Variants in ACAD10 observed in about 807,000 individuals in gnomAD.
The protein encoded by ACAD10 is ACAD-10.
A neutral mutation model predicts 116.8 loss-of-function variants in ACAD10; 112 were observed. That is an observed-to-expected ratio of 0.96 (90% confidence interval 0.82 to 1.12). The LOEUF (loss-of-function observed/expected upper bound fraction) is 1.12. ACAD10 is among the 50% of genes most tolerant of loss of function. The pLI, the probability that ACAD10 is intolerant of heterozygous loss-of-function variation, is 0.00. For missense variants in ACAD10, 1,259 were observed against 1,350.2 expected (o/e 0.93, Z 1.06); for synonymous variants, 486 against 510.6 (o/e 0.95, Z 0.65).
intron 12 of ACAD10, 54 bp downstream of exon 12, chr12:111,737,058 C>T (rs1889587739): frequency 3.8e-6 from 6 of 1,569,090 alleles, no homozygotes; most frequent in South Asian, 2.4e-5. Context: ...CAGCAAGGAC[C>T]GTGCCTCCAC....
chr12:111,706,224 T>C (rs1160438920), intron 4 of ACAD10, among the ~76,000 whole-genome samples: 1 of 152,184 alleles, frequency 6.6e-6, no homozygotes, highest in East Asian at 1.9e-4. Context: ...AGCCCTCATA[T>C]CGTAATGGAT....
At chr12:111,714,465 G>A (rs898133823) in intron 6 of ACAD10, among the ~76,000 whole-genome samples, 1 of 151,320 alleles carries the variant, frequency 6.6e-6, no homozygotes, top group Non-Finnish European at 1.5e-5. Flanking sequence ...AGGAGTTTGA[G>A]ACCAGCCTGG....
At chr12:111,746,939 G>T in intron 14 of ACAD10, 110 bp from the exon 15 acceptor site, 1 of 1,421,502 alleles carries the variant, frequency 7.0e-7, no homozygotes, top group Admixed American at 2.4e-5. Context: ...AGTCGAGGCT[G>T]CAGTGAGCCA....
intron 7 of ACAD10, among the ~76,000 whole-genome samples, chr12:111,719,557 TTTG>T (rs1290234105): frequency 1.3e-5 from 2 of 151,524 alleles, no homozygotes; most frequent in Non-Finnish European, 2.9e-5. Context: ...CGGCCTTTTG[TTTG>T]TTATTTTTTG....
intron 11 of ACAD10, 72 bp from the exon 12 acceptor site, chr12:111,736,759 T>G: frequency 4.0e-6 from 6 of 1,499,176 alleles, no homozygotes; most frequent in Non-Finnish European, 5.4e-6. Flanking sequence ...ATTTTCAGAA[T>G]TTAAATATTT....
intron 4 of ACAD10, among the ~76,000 whole-genome samples, chr12:111,706,754 T>G (rs1414096803): frequency 2.3e-5 from 3 of 128,304 alleles, no homozygotes; most frequent in Non-Finnish European, 4.8e-5. Flanking sequence ...CCTGGCCTAT[T>G]TATTTTTTTA....
chr12:111,732,539 C>A (rs193192034), intron 10 of ACAD10, among the ~76,000 whole-genome samples: 32 of 152,248 alleles, frequency 2.1e-4, no homozygotes, highest in Non-Finnish European at 5.9e-5. Context: ...AAAGCACGTA[C>A]AATATCTGTT....
intron 8 of ACAD10, among the ~76,000 whole-genome samples, chr12:111,724,156 C>T (rs1889141725): frequency 2.7e-5 from 4 of 150,262 alleles, no homozygotes; most frequent in African/African-American, 7.4e-5. Context: ...GGCAGCCAGG[C>T]AGAGGGGCTC....
At chr12:111,744,305 G>A (rs754248436) in intron 12 of ACAD10, among the ~76,000 whole-genome samples, 15 of 152,074 alleles carry the variant, frequency 9.9e-5, no homozygotes, top group South Asian at 2.1e-4. Context: ...GGTGATCTGG[G>A]GTGTTACTGA....
chr12:111,700,720 T>C (rs1426496843), intron 2 of ACAD10, among the ~76,000 whole-genome samples: 1 of 151,640 alleles, frequency 6.6e-6, no homozygotes, highest in Non-Finnish European at 1.5e-5. Context: ...CTTGTCCTTT[T>C]ACTTTCCTTC....
At position 111,746,170 on chromosome 12, in the gene ACAD10, GA is replaced by G; in HGVS notation, c.2144del (p.Asn715ThrfsTer6). 1 of 1,613,618 alleles carries G rather than the reference GA, an allele frequency of 6.2e-7. No homozygotes were observed. Among genetic ancestry groups the G allele is most frequent in the Non-Finnish European group, 8.5e-7 (1 of 1,179,916 alleles). On this transcript the variant is annotated frameshift_variant, in exon 14 of 21. Coordinates refer to ENST00000313698, the MANE Select transcript of ACAD10 (RefSeq NM_025247.6). LOFTEE classifies it high-confidence loss of function. ...KEKAKAEGLWNLFLPLEADPE... is the reference protein window; with the variant it reads ...KEKAKAEGLWXLFLPLEADPE... The stretch of plus-strand genomic sequence containing the variant: ...AGAAAGCCAAAGCTGAAGGACTTTG[GA>G]ACCTTTTCCTACCCTTAGAGGCTGA...
At chr12:111,700,723 T>TTTCCTTCCTTCCTTCCTACC (rs1888324004) in intron 2 of ACAD10, among the ~76,000 whole-genome samples, 1 of 150,490 alleles carries the variant, frequency 6.6e-6, no homozygotes. Flanking sequence ...GTCCTTTTAC[T>TTTCCTTCCTTCCTTCCTACC]TTCCTTCCTT....
chr12:111,730,807 A>G (rs1031119496), intron 10 of ACAD10, among the ~76,000 whole-genome samples: 48 of 149,984 alleles, frequency 3.2e-4, no homozygotes, highest in African/African-American at 1.2e-3. Flanking sequence ...GCTGGAGTGC[A>G]GTGGCGTGAT....
At chr12:111,709,441 C>A in intron 4 of ACAD10, 85 bp from the exon 5 acceptor site, 1 of 1,177,178 alleles carries the variant, frequency 8.5e-7, no homozygotes, top group Non-Finnish European at 1.2e-6. Flanking sequence ...CCTTCTTATG[C>A]TTTTCCTCTC....
chr12:111,705,888 A>G lies in ACAD10; in HGVS notation c.487A>G (p.Asn163Asp). 3.1e-6 allele frequency: 5 copies of G among 1,614,118 alleles called. No individual in the cohort carries two copies. Among genetic ancestry groups the G allele is most frequent in the Non-Finnish European group, 4.2e-6 (5 of 1,180,028 alleles). The part of the protein sequence containing the change: ...AVLSNNFYLP[N>D]QKSFLPLDRK... ...CTTGAGCAATAATTTTTATCTTCCC[A>G]ACCAGAAAAGCTTTTTGCCCCTGGA... The change falls in exon 4 of 21, where the codon AAC (asparagine) becomes GAC (aspartate). Residue 163 changes from asparagine (N) to aspartate (D), a missense_variant. Asn to Asp is a conservative substitution (Grantham distance 23). Coordinates refer to ENST00000313698, the MANE Select transcript of ACAD10 (RefSeq NM_025247.6).
intron 4 of ACAD10, 58 bp downstream of exon 4, chr12:111,705,990 G>A (rs1888492545): frequency 6.4e-7 from 1 of 1,567,484 alleles, no homozygotes; most frequent in South Asian, 1.2e-5. Flanking sequence ...GCTTCAGGGT[G>A]CAATGTTAAA....
chr12:111,737,067 A>G (rs1421843808), intron 12 of ACAD10, 63 bp downstream of exon 12: 41 of 1,545,312 alleles, frequency 2.7e-5, no homozygotes, highest in Non-Finnish European at 3.6e-5. Flanking sequence ...CCGTGCCTCC[A>G]CCTGGAAACC....
chr12:111,756,348 G>T lies in ACAD10; in HGVS notation c.3055G>T (p.Gly1019Cys). 6.2e-7 allele frequency: 1 copy of T among 1,607,406 alleles called. No individual in the cohort carries two copies. ...DRAIQAFGAA[G>C]LSSDYPLAQF... ...TGTCTGCCAGGCCTTTGGAGCAGCA[G>T]GCCTGAGCAGCGACTACCCACTGGC... The change falls in exon 21 of 21, where the codon GGC becomes TGC. Residue 1019 changes from glycine to cysteine, a missense_variant. By Grantham distance (159) the Gly-to-Cys change is radical. Coordinates refer to ENST00000313698, the MANE Select transcript of ACAD10 (RefSeq NM_025247.6).
chr12:111,739,779 C>T (rs538261968), intron 12 of ACAD10, among the ~76,000 whole-genome samples: 16 of 151,314 alleles, frequency 1.1e-4, no homozygotes, highest in African/African-American at 3.6e-4. Context: ...GTGGGGGGAG[C>T]GGGGAGAGAC....
Sources: allele counts gnomAD v4.1 joint callset (sites outside exome capture counted in the v4.1 genomes callset), GRCh38; gene constraint gnomAD v4.1.1; transcripts MANE v1.5; gene names NCBI Gene and HGNC (gene_info 2026-07-23, HGNC 2026-07-21).